SH3RF3: variants seen among roughly 807,000 people sequenced by gnomAD.
SH3RF3 encodes E3 ubiquitin-protein ligase SH3RF3.
A neutral mutation model predicts 66.3 loss-of-function variants in SH3RF3; 29 were observed. The observed-to-expected ratio is 0.44, with a 90% CI of 0.33 to 0.60. The LOEUF (loss-of-function observed/expected upper bound fraction) is 0.60. Ranked by LOEUF, SH3RF3 falls within the 20% of genes least tolerant of loss-of-function variation. The pLI, the probability that SH3RF3 is intolerant of heterozygous loss-of-function variation, is 0.04. For missense variants in SH3RF3, 1,194 were observed against 1,190.9 expected (o/e 1.00, Z -0.04); for synonymous variants, 583 against 532.0 (o/e 1.10, Z -1.32).
chr2:109,238,750 A>T (rs982743428), intron 1 of SH3RF3, among the ~76,000 whole-genome samples: 2 of 152,148 alleles, frequency 1.3e-5, no homozygotes, highest in African/African-American at 4.8e-5. Flanking sequence ...CAGCTGCTAC[A>T]TGCTTGCATC....
In SH3RF3 at chr2:109,503,558, A is replaced by G. The variant is rs1679450978; in HGVS notation, c.*1887A>G. The stretch of plus-strand genomic sequence containing the variant: ...GTGTGCCAGGTTAATGACAACCAAA[A>G]GCTCTCTATTTACCATTATTGCCAA... On this transcript the variant is annotated 3_prime_UTR_variant, in exon 10 of 10. Coordinates refer to ENST00000309415, the MANE Select transcript of SH3RF3 (RefSeq NM_001099289.3). 6.6e-6 allele frequency: 1 copy of G among 152,182 alleles called. No homozygotes were observed. Among genetic ancestry groups the G allele is most frequent in the South Asian group, 2.1e-4 (1 of 4,824 alleles). The allele number at this position is 152,182 out of a possible 1,614,324, so 9.4% of individuals were successfully genotyped here. A position where few individuals can be genotyped will look rare whatever the true frequency, so the allele number is the denominator to read the frequency against.
At chr2:109,365,388 G>T (rs112290131) in intron 2 of SH3RF3, among the ~76,000 whole-genome samples, 2,761 of 152,304 alleles carry the variant, frequency 0.018, 80 homozygotes, top group African/African-American at 0.057. Flanking sequence ...TTCCCACGGA[G>T]GCTGCTGCTT....
chr2:109,306,529 G>A (rs1383561040), intron 1 of SH3RF3, among the ~76,000 whole-genome samples: 1 of 152,224 alleles, frequency 6.6e-6, no homozygotes, highest in African/African-American at 2.4e-5. Context: ...TCTCCGACCT[G>A]CCCTTGTGGA....
At chr2:109,250,943 T>C (rs1219272482) in intron 1 of SH3RF3, among the ~76,000 whole-genome samples, 2 of 152,038 alleles carry the variant, frequency 1.3e-5, no homozygotes, top group Non-Finnish European at 2.9e-5. Flanking sequence ...TAAATTAACG[T>C]TGTTTAGGCA....
intron 4 of SH3RF3, among the ~76,000 whole-genome samples, chr2:109,413,536 G>A (rs960365886): frequency 4.6e-5 from 7 of 152,092 alleles, no homozygotes; most frequent in African/African-American, 1.7e-4. Flanking sequence ...GTCTCTCTCT[G>A]TGTCTCTGTG....
intron 1 of SH3RF3, among the ~76,000 whole-genome samples, chr2:109,213,601 G>A (rs1679041970): frequency 6.6e-6 from 1 of 152,168 alleles, no homozygotes; most frequent in South Asian, 2.1e-4. Flanking sequence ...CACCAGCTGT[G>A]TCCAACACAG....
chr2:109,495,793 C>G (rs1679244510), intron 9 of SH3RF3, among the ~76,000 whole-genome samples: 1 of 152,172 alleles, frequency 6.6e-6, no homozygotes, highest in Admixed American at 6.5e-5. Flanking sequence ...ACCTGGCCCC[C>G]TTTCTTCATT....
At chr2:109,470,594 G>A (rs992710105) in intron 8 of SH3RF3, among the ~76,000 whole-genome samples, 5 of 152,228 alleles carry the variant, frequency 3.3e-5, no homozygotes, top group Admixed American at 6.5e-5. Flanking sequence ...AGGCAGTCTG[G>A]AGGAGGACAG....
chr2:109,358,762 T>G (rs1331505159), intron 2 of SH3RF3, among the ~76,000 whole-genome samples: 1 of 152,254 alleles, frequency 6.6e-6, no homozygotes, highest in East Asian at 1.9e-4. Flanking sequence ...CAGTATCTTT[T>G]GCAGAGTACA....
At chr2:109,200,671 C>T (rs529095627) in intron 1 of SH3RF3, among the ~76,000 whole-genome samples, 5 of 152,258 alleles carry the variant, frequency 3.3e-5, no homozygotes, top group Non-Finnish European at 7.4e-5. Context: ...CTGGAGGCCT[C>T]TTTTCTCCTG....
intron 1 of SH3RF3, among the ~76,000 whole-genome samples, chr2:109,230,545 A>G (rs1679482849): frequency 6.6e-6 from 1 of 152,148 alleles, no homozygotes; most frequent in Non-Finnish European, 1.5e-5. Flanking sequence ...GTACCACTGC[A>G]CTCCAGCCTG....
intron 1 of SH3RF3, among the ~76,000 whole-genome samples, chr2:109,183,554 G>A (rs945671088): frequency 3.9e-5 from 6 of 152,206 alleles, no homozygotes; most frequent in Non-Finnish European, 7.4e-5. Flanking sequence ...GAACATTTGA[G>A]TCTTACCCCA....
chr2:109,249,519 T>TTCTC (rs10646553), intron 1 of SH3RF3, among the ~76,000 whole-genome samples: 1 of 61,900 alleles, frequency 1.6e-5, no homozygotes, highest in Non-Finnish European at 3.3e-5. Flanking sequence ...CATTCTTTCT[T>TTCTC]TTTCTTTCTT....
intron 8 of SH3RF3, among the ~76,000 whole-genome samples, chr2:109,451,248 T>A (rs946719051): frequency 1.3e-5 from 2 of 152,234 alleles, no homozygotes; most frequent in African/African-American, 4.8e-5. Context: ...TGTTTGAAGA[T>A]CAGTTCAGTC....
intron 1 of SH3RF3, among the ~76,000 whole-genome samples, chr2:109,209,622 G>A (rs1263766051): frequency 2.0e-5 from 3 of 152,140 alleles, no homozygotes; most frequent in Non-Finnish European, 4.4e-5. Context: ...TGTAGGTGGG[G>A]AGGAAAGGGA....
Position 109,329,356 on chromosome 2 carries a change from G to A in SH3RF3, c.574-18318G>A, listed in dbSNP as rs1682231404. On this transcript the variant is annotated intron_variant, in intron 1 of 9. Coordinates refer to ENST00000309415, the MANE Select transcript of SH3RF3 (RefSeq NM_001099289.3). ...AGACTTTTGCATTGAGAGCAAATCC[G>A]CATGAGGAAAAAGTCAAGCCCCAAA... Among the ~76,000 whole-genome samples, 3 of 152,196 alleles carry A rather than the reference G, an allele frequency of 2.0e-5. No homozygotes were observed. In the South Asian group the frequency reaches 6.2e-4, roughly 32 times the overall value.
In SH3RF3 at chr2:109,129,687, G is replaced by T; in HGVS notation, c.147G>T (p.Ser49=). The T allele has an allele frequency of 6.6e-7, 1 of 1,525,496 alleles. No individual in the cohort carries two copies. Among genetic ancestry groups the T allele is most frequent in the South Asian group, 1.2e-5 (1 of 82,028 alleles). 94.5% of individuals were successfully genotyped at this position (1,525,496 alleles called of 1,614,324 possible). A position where few individuals can be genotyped will look rare whatever the true frequency, so the allele number is the denominator to read the frequency against. The part of the protein sequence containing the change: ...AAGAGEDMDE[S]SLLDLLECSV... ...GGGCGGGCGAGGACATGGACGAGTC[G>T]TCGCTGCTGGACCTGCTGGAGTGCT... Residue 49 remains serine (S), a synonymous_variant, in exon 1 of 10, where the codon TCG becomes TCT. Transcript: ENST00000309415.
intron 1 of SH3RF3, among the ~76,000 whole-genome samples, chr2:109,320,714 C>T (rs1228854225): frequency 3.9e-5 from 6 of 152,162 alleles, no homozygotes; most frequent in African/African-American, 9.6e-5. Context: ...ATATCAGCCC[C>T]GCAGATGAAC....
At chr2:109,461,377 A>G (rs913665302) in intron 8 of SH3RF3, among the ~76,000 whole-genome samples, 5 of 151,938 alleles carry the variant, frequency 3.3e-5, no homozygotes, top group Non-Finnish European at 7.4e-5. Context: ...CCAAAATCCT[A>G]AAGACCTGCG....
Sources: gnomAD v4.1 joint callset for allele counts (sites outside exome capture counted in the v4.1 genomes callset) on GRCh38, gnomAD v4.1.1 for gene constraint, MANE v1.5 for transcripts, NCBI Gene and HGNC (gene_info 2026-07-23, HGNC 2026-07-21) for gene names.